KCNH8: variants seen among roughly 807,000 people sequenced by gnomAD.
KCNH8 encodes potassium voltage-gated channel subfamily H member 8, also known as voltage-gated delayed rectifier potassium channel KCNH8.
In KCNH8, 70 loss-of-function variants were observed where a neutral mutation model predicts 103.6. That is an observed-to-expected ratio of 0.68 (90% CI 0.56 to 0.82). The LOEUF (loss-of-function observed/expected upper bound fraction) is 0.82, where lower values mean the gene tolerates loss of function less well. Ranked by LOEUF, KCNH8 falls within the 40% of genes least tolerant of loss-of-function variation. The pLI, the probability that KCNH8 is intolerant of heterozygous loss-of-function variation, is 0.00. For missense variants in KCNH8, 1,217 were observed against 1,329.9 expected (o/e 0.92, Z 1.32); for synonymous variants, 498 against 489.4 (o/e 1.02, Z -0.23).
At chr3:19,448,891 T>C (rs2067401670) in intron 8 of KCNH8, 1 of 841,656 alleles carries the variant, frequency 1.2e-6, no homozygotes, top group Non-Finnish European at 1.7e-6. Context: ...GAATTATCCA[T>C]AAATATGAAC....
chr3:19,521,502 T>TTTGA (rs1356709313), intron 15 of KCNH8, among the ~76,000 whole-genome samples: 2 of 151,956 alleles, frequency 1.3e-5, no homozygotes, highest in African/African-American at 2.4e-5. Context: ...AAGGTTATGC[T>TTTGA]TTGATTCAAC....
At chr3:19,366,611 C>G (rs190170069) in intron 5 of KCNH8, among the ~76,000 whole-genome samples, 3 of 151,886 alleles carry the variant, frequency 2.0e-5, no homozygotes, top group Non-Finnish European at 2.9e-5. Flanking sequence ...TCTTACCAAA[C>G]GAGTTCTGCT....
At chr3:19,395,356 AAAAAG>A in intron 7 of KCNH8, 45 bp downstream of exon 7, 1 of 1,386,346 alleles carries the variant, frequency 7.2e-7, no homozygotes, top group Non-Finnish European at 1.0e-6. Flanking sequence ...TAATTTAAAA[AAAAAG>A]AGTATCAAGA....
intron 1 of KCNH8, among the ~76,000 whole-genome samples, chr3:19,188,825 G>A: frequency 6.6e-6 from 1 of 152,032 alleles, no homozygotes; most frequent in East Asian, 1.9e-4. Flanking sequence ...GATTTTGTTT[G>A]TAGAGAGAGG....
intron 7 of KCNH8, among the ~76,000 whole-genome samples, chr3:19,437,243 TAGAG>T (rs56924871): frequency 1.4e-4 from 21 of 152,134 alleles, no homozygotes; most frequent in African/African-American, 3.6e-4. Context: ...AACACACACA[TAGAG>T]AAAGAATTAT....
chr3:19,265,430 A>G (rs2064495706), intron 2 of KCNH8, among the ~76,000 whole-genome samples: 1 of 152,092 alleles, frequency 6.6e-6, no homozygotes, highest in Non-Finnish European at 1.5e-5. Flanking sequence ...CACAGACCGC[A>G]TGCCCATGAG....
chr3:19,470,338 A>C (rs1411010682), intron 11 of KCNH8, among the ~76,000 whole-genome samples: 1 of 152,130 alleles, frequency 6.6e-6, no homozygotes, highest in African/African-American at 2.4e-5. Flanking sequence ...TCTAAACATT[A>C]TCTCTCTGTT....
chr3:19,218,090 T>G (rs2063834887), intron 1 of KCNH8, among the ~76,000 whole-genome samples: 1 of 152,210 alleles, frequency 6.6e-6, no homozygotes, highest in African/African-American at 2.4e-5. Flanking sequence ...GAATCCCTTC[T>G]TAGTAATTCA....
chr3:19,322,685 T>C (rs1171704980), intron 3 of KCNH8, among the ~76,000 whole-genome samples: 1 of 152,200 alleles, frequency 6.6e-6, no homozygotes, highest in Non-Finnish European at 1.5e-5. Context: ...AATGATCTTT[T>C]TACAATGAAT....
At chr3:19,496,122 A>G (rs1285683339) in intron 11 of KCNH8, among the ~76,000 whole-genome samples, 1 of 152,194 alleles carries the variant, frequency 6.6e-6, no homozygotes, top group African/African-American at 2.4e-5. Flanking sequence ...TTTTCTAGAT[A>G]TAAAATTATA....
rs183396733 is a variant in KCNH8 at position 19,317,780 on chromosome 3, T to G, written c.443-24807T>G. ...GCTTAAGATAAAGTTCAACATCCTT[T>G]CATGTTAAAAACTCTCAATAAACTA... is the stretch of plus-strand genomic sequence containing the variant. On this transcript the variant is annotated intron_variant, in intron 3 of 15. Transcript: ENST00000328405. Among the ~76,000 whole-genome samples the G allele has an allele frequency of 1.3e-3, 197 of 151,922 alleles. 1 individual carries two copies. The highest frequency in any genetic ancestry group is 4.6e-3 in the African/African-American group (191 of 41,464).
chr3:19,457,874 G>T (rs1575088326), intron 11 of KCNH8, among the ~76,000 whole-genome samples: 1 of 152,008 alleles, frequency 6.6e-6, no homozygotes, highest in South Asian at 2.1e-4. Flanking sequence ...TCTTGGTTGG[G>T]GCTATCTAAT....
chr3:19,428,423 A>C (rs1290246762), intron 7 of KCNH8, among the ~76,000 whole-genome samples: 1 of 152,196 alleles, frequency 6.6e-6, no homozygotes, highest in African/African-American at 2.4e-5. Context: ...AATTGTGTAC[A>C]TTATTTTCTA....
intron 5 of KCNH8, among the ~76,000 whole-genome samples, chr3:19,361,693 T>C (rs961696837): frequency 1.2e-4 from 19 of 152,176 alleles, no homozygotes; most frequent in African/African-American, 2.9e-4. Flanking sequence ...AGAATTCCCA[T>C]TGGTGCAGCA....
chr3:19,225,953 G>A (rs189112229), intron 1 of KCNH8, among the ~76,000 whole-genome samples: 4 of 152,272 alleles, frequency 2.6e-5, no homozygotes, highest in Admixed American at 2.6e-4. Flanking sequence ...TGTTTATTAT[G>A]AATTCAATGT....
At chr3:19,448,221 T>C (rs2067391238) in intron 8 of KCNH8, among the ~76,000 whole-genome samples, 1 of 151,966 alleles carries the variant, frequency 6.6e-6, no homozygotes. Flanking sequence ...TTTAACATAA[T>C]GAGTATGCCC....
intron 3 of KCNH8, among the ~76,000 whole-genome samples, chr3:19,302,418 A>G (rs1020190905): frequency 1.3e-5 from 2 of 152,194 alleles, no homozygotes; most frequent in East Asian, 1.9e-4. Flanking sequence ...TTTTAAGGCA[A>G]TAAACCCATT....
intron 1 of KCNH8, among the ~76,000 whole-genome samples, chr3:19,217,841 T>C (rs1377493211): frequency 6.6e-6 from 1 of 152,230 alleles, no homozygotes; most frequent in African/African-American, 2.4e-5. Context: ...CTTTCTGAGT[T>C]AACTTAGACT....
chr3:19,244,083 AAAATT>A (rs2064174998), intron 1 of KCNH8, among the ~76,000 whole-genome samples: 1 of 152,192 alleles, frequency 6.6e-6, no homozygotes, highest in African/African-American at 2.4e-5. Flanking sequence ...TAAAAGGTAT[AAAATT>A]AAAACCACAC....
Sources: gnomAD v4.1 joint callset for allele counts (sites outside exome capture counted in the v4.1 genomes callset) on GRCh38, gnomAD v4.1.1 for gene constraint, MANE v1.5 for transcripts, NCBI Gene and HGNC (gene_info 2026-07-23, HGNC 2026-07-21) for gene names.